Variants in NFIB observed in about 807,000 individuals in gnomAD.
The protein encoded by NFIB is nuclear factor I B.
Under a neutral mutation model 61.5 loss-of-function variants are expected in NFIB, and 11 were observed. The ratio of observed to expected loss-of-function variants is 0.18; its 90% CI spans 0.11 to 0.30. NFIB has a LOEUF of 0.30. NFIB is among the 10% of genes least tolerant of loss of function. The probability of loss-of-function intolerance (pLI) is 1.00; values close to 1 mark genes in which losing one functional copy is unlikely to be tolerated. For synonymous variants in NFIB, 260 were observed against 216.5 expected (o/e 1.20, Z -1.76); for missense variants, 471 against 608.9 (o/e 0.77, Z 2.38).
rs955585251 is a variant in NFIB, at chr9:14,083,509, T to C, written c.*4800A>G. ...AAAAAAAAAAAAAAAAAGTTTTCTA[T>C]AGAAACCCAATTTCTTAAAGTCCAG... On this transcript the variant is annotated 3_prime_UTR_variant, in exon 11 of 11. Transcript: ENST00000380953. 4 of 212,820 alleles carry C rather than the reference T, an allele frequency of 1.9e-5. No individual in the cohort carries two copies. Among genetic ancestry groups the C allele is most frequent in the Non-Finnish European group, 3.8e-5 (4 of 106,344 alleles). 13.2% of individuals were successfully genotyped at this position (212,820 alleles called of 1,614,324 possible).
intron 6 of NFIB, among the ~76,000 whole-genome samples, chr9:14,140,095 G>T (rs2041514487): frequency 6.6e-6 from 1 of 152,058 alleles, no homozygotes; most frequent in Non-Finnish European, 1.5e-5. Context: ...CAAAACTTTG[G>T]TATTTGAATA....
At chr9:14,204,431 A>G (rs1162422547) in intron 2 of NFIB, 30 of 1,149,178 alleles carry the variant, frequency 2.6e-5, no homozygotes, top group Non-Finnish European at 3.9e-5. Flanking sequence ...CCGCTATAGC[A>G]GGTTGCAGCG....
At chr9:14,481,745 A>T in the NFIB span, among the ~76,000 whole-genome samples, 4 of 152,066 alleles carry the variant, frequency 2.6e-5, no homozygotes, top group Non-Finnish European at 5.9e-5. Context: ...TAACATATAG[A>T]ATGTTAGAAC....
chr9:14,387,169 C>A (rs1310339585), intron 1 of NFIB, among the ~76,000 whole-genome samples: 2 of 152,170 alleles, frequency 1.3e-5, no homozygotes, highest in African/African-American at 4.8e-5. Context: ...AATTAAGTAA[C>A]CAACATCAAC....
intron 3 of NFIB, among the ~76,000 whole-genome samples, chr9:14,174,616 A>C (rs1006774190): frequency 2.6e-5 from 4 of 151,942 alleles, no homozygotes; most frequent in African/African-American, 9.7e-5. Context: ...AAATAGAAAA[A>C]ATTAGCCAGG....
At chr9:14,197,396 T>C (rs937778377) in intron 2 of NFIB, among the ~76,000 whole-genome samples, 3 of 152,166 alleles carry the variant, frequency 2.0e-5, no homozygotes, top group Non-Finnish European at 4.4e-5. Flanking sequence ...ATAGGGAAAG[T>C]TGCTATAAAA....
chr9:14,268,100 G>A (rs192269257), intron 2 of NFIB, among the ~76,000 whole-genome samples: 5 of 141,546 alleles, frequency 3.5e-5, no homozygotes, highest in East Asian at 2.1e-4. Flanking sequence ...ACGCCTGGCC[G>A]ACATAGCAAG....
chr9:14,453,670 T>TA, the NFIB span, among the ~76,000 whole-genome samples: 1 of 152,224 alleles, frequency 6.6e-6, no homozygotes, highest in African/African-American at 2.4e-5. Flanking sequence ...AGAAATGGTC[T>TA]AAAAATTACA....
At chr9:14,203,374 A>G (rs2049271025) in intron 2 of NFIB, among the ~76,000 whole-genome samples, 1 of 152,244 alleles carries the variant, frequency 6.6e-6, no homozygotes, top group Non-Finnish European at 1.5e-5. Context: ...AAGTATCTGC[A>G]TAAACCCGGT....
At chr9:14,394,947 A>G (rs985021332) in intron 1 of NFIB, among the ~76,000 whole-genome samples, 2 of 152,222 alleles carry the variant, frequency 1.3e-5, no homozygotes, top group African/African-American at 4.8e-5. Context: ...TATTATTATT[A>G]TATTGATTAC....
intron 2 of NFIB, among the ~76,000 whole-genome samples, chr9:14,302,639 A>G (rs2059808676): frequency 6.6e-6 from 1 of 152,202 alleles, no homozygotes. Context: ...ATACACGACA[A>G]CAGTTGCTAT....
rs114535132 is a variant in NFIB, at chr9:14,275,805, C to G, written c.562+31184G>C. 3.1e-3 allele frequency among the ~76,000 whole-genome samples: 473 copies of G among 152,244 alleles called. 5 individuals are homozygous for G. The highest frequency in any genetic ancestry group is 0.011 in the African/African-American group (448 of 41,538). On this transcript the variant is annotated intron_variant, in intron 2 of 10. Coordinates refer to ENST00000380953, the MANE Select transcript of NFIB (RefSeq NM_001190737.2). ...TAAGAACTAAGTCCCTCCTCCCTCACTTCCCTATCTCTATTTTTCTTTTAC... is the reference window on the plus strand; with the variant it reads ...TAAGAACTAAGTCCCTCCTCCCTCAGTTCCCTATCTCTATTTTTCTTTTAC...
At chr9:14,179,060 A>G (rs922989933) in intron 3 of NFIB, among the ~76,000 whole-genome samples, 2 of 152,300 alleles carry the variant, frequency 1.3e-5, no homozygotes, top group African/African-American at 4.8e-5. Context: ...TGCTAGTTTT[A>G]TCTCATGAGA....
rs186344041 is a variant in NFIB at position 14,347,651 on chromosome 9, G to A, written c.109-40131C>T. 8.2e-4 allele frequency among the ~76,000 whole-genome samples: 124 copies of A among 152,138 alleles called. 1 individual carries two copies. The East Asian group carries it at 0.021, about 26-fold the overall frequency. Reference sequence around the variant, plus strand: ...GGCGGTTGAAGATCCAAGTCTCTTCGGTCAGGTCCGCCCAAGGTCCCAGAG... The same window carrying A: ...GGCGGTTGAAGATCCAAGTCTCTTCAGTCAGGTCCGCCCAAGGTCCCAGAG... On this transcript the variant is annotated intron_variant, in intron 1 of 8. Coordinates refer to the NFIB transcript ENST00000380934.
the NFIB span, among the ~76,000 whole-genome samples, chr9:14,466,057 T>C: frequency 6.6e-6 from 1 of 152,212 alleles, no homozygotes; most frequent in Middle Eastern, 3.4e-3. Context: ...CTCACTCTCC[T>C]GTGAGCGGCT....
intron 3 of NFIB, among the ~76,000 whole-genome samples, chr9:14,169,400 G>A (rs1416752595): frequency 2.6e-5 from 4 of 152,122 alleles, no homozygotes; most frequent in Admixed American, 6.5e-5. Context: ...TATGAAAGAT[G>A]CCAAGGTCCC....
upstream of NFIB, among the ~76,000 whole-genome samples, chr9:14,402,064 A>T (rs2133055349): frequency 6.6e-6 from 1 of 152,334 alleles, no homozygotes; most frequent in African/African-American, 2.4e-5. Flanking sequence ...GAAAAATTGA[A>T]GCCTGGAAAA....
At chr9:14,382,776 A>G (rs1038749531) in intron 1 of NFIB, among the ~76,000 whole-genome samples, 9 of 152,154 alleles carry the variant, frequency 5.9e-5, no homozygotes, top group Non-Finnish European at 1.2e-4. Context: ...ACACATCAAG[A>G]AAGATGATTG....
At chr9:14,247,935 C>CTTTTTTTTT (rs1051234569) in intron 2 of NFIB, among the ~76,000 whole-genome samples, 3 of 138,140 alleles carry the variant, frequency 2.2e-5, no homozygotes, top group Non-Finnish European at 3.1e-5. Flanking sequence ...TTCTTTTTTT[C>CTTTTTTTTT]TTTTTTTTTT....
Sources: gnomAD v4.1 joint callset for allele counts (sites outside exome capture counted in the v4.1 genomes callset) on GRCh38, gnomAD v4.1.1 for gene constraint, MANE v1.5 for transcripts, NCBI Gene and HGNC (gene_info 2026-07-23, HGNC 2026-07-21) for gene names.